The following NPSR1 variants were observed in gnomAD, a reference collection of about 807,000 sequenced individuals.
NPSR1 encodes the protein neuropeptide S receptor.
NPSR1 carries 48 observed loss-of-function variants against 46.9 expected under a neutral mutation model. The ratio of observed to expected loss-of-function variants is 1.02; its 90% CI spans 0.81 to 1.30. NPSR1 has a LOEUF of 1.30. NPSR1 is among the 50% of genes most tolerant of loss of function. The probability of loss-of-function intolerance (pLI) is 0.00; values close to 1 mark genes in which losing one functional copy is unlikely to be tolerated. For missense variants in NPSR1, 450 were observed against 449.5 expected, an observed-to-expected ratio of 1.00 and a Z score of -0.01; for synonymous variants, 176 against 168.1, an observed-to-expected ratio of 1.05 and a Z score of -0.36.
chr7:34,670,281 A>G (rs1023962479), intron 1 of NPSR1, among the ~76,000 whole-genome samples: 6 of 152,166 alleles, frequency 3.9e-5, no homozygotes, highest in African/African-American at 1.4e-4. Flanking sequence ...TGGATCAATA[A>G]TAAGAAATAT....
At chr7:34,820,813 A>G (rs1789517297) in intron 4 of NPSR1, among the ~76,000 whole-genome samples, 3 of 152,212 alleles carry the variant, frequency 2.0e-5, no homozygotes, top group Admixed American at 2.0e-4. Context: ...AAGACCTGGG[A>G]TCAACAAAAA....
chr7:34,825,303 T>C (rs1789771268), intron 4 of NPSR1, among the ~76,000 whole-genome samples: 1 of 152,230 alleles, frequency 6.6e-6, no homozygotes. Context: ...GTGAAGATGT[T>C]GACACTATTC....
chr7:34,852,286 C>T (rs988582512), downstream of NPSR1, among the ~76,000 whole-genome samples: 10 of 150,314 alleles, frequency 6.7e-5, no homozygotes, highest in African/African-American at 9.8e-5. Flanking sequence ...GGCGAGAGAG[C>T]GAGAATCCGT....
chr7:34,865,537 C>T (rs1225196991), intron 8 of NPSR1, among the ~76,000 whole-genome samples: 2 of 151,738 alleles, frequency 1.3e-5, no homozygotes, highest in African/African-American at 4.9e-5. Context: ...AATCACAGCG[C>T]CACATGGAAG....
At chr7:34,732,170 G>A (rs1447185309) in intron 2 of NPSR1, among the ~76,000 whole-genome samples, 1 of 151,980 alleles carries the variant, frequency 6.6e-6, no homozygotes, top group Non-Finnish European at 1.5e-5. Context: ...CATGTAACAG[G>A]GCTCCGGTTG....
chr7:34,874,418 G>T (rs1241977930), intron 8 of NPSR1, among the ~76,000 whole-genome samples: 2 of 152,092 alleles, frequency 1.3e-5, no homozygotes, highest in Non-Finnish European at 2.9e-5. Context: ...AGATTCCTGG[G>T]TAGAGACCTG....
chr7:34,764,060 C>A lies in NPSR1; in HGVS notation c.281-14402C>A, dbSNP rs377089699. On this transcript the variant is annotated intron_variant, in intron 2 of 8. Coordinates refer to ENST00000360581, the MANE Select transcript of NPSR1 (RefSeq NM_207172.2). ...AACTGATTACTCCAATTTAAAGAAA[C>A]CCAAACTGGAAATTATAAAAGATAA... Among the ~76,000 whole-genome samples the A allele has an allele frequency of 9.9e-5, 15 of 152,158 alleles. No individual in the cohort carries two copies. The East Asian group carries it at 2.1e-3, about 22-fold the overall frequency.
chr7:34,801,841 T>C (rs1282497676), intron 3 of NPSR1, among the ~76,000 whole-genome samples: 1 of 149,500 alleles, frequency 6.7e-6, no homozygotes, highest in Non-Finnish European at 1.5e-5. Flanking sequence ...CAAATCTCCT[T>C]AAGCTGATAG....
chr7:34,862,140 T>A (rs1791203817), intron 8 of NPSR1, among the ~76,000 whole-genome samples: 1 of 151,756 alleles, frequency 6.6e-6, no homozygotes, highest in African/African-American at 2.4e-5. Context: ...CAAACCAAAT[T>A]TCTCAGACTA....
At chr7:34,720,466 C>T (rs1250179756) in intron 2 of NPSR1, among the ~76,000 whole-genome samples, 1 of 152,028 alleles carries the variant, frequency 6.6e-6, no homozygotes, top group South Asian at 2.1e-4. Flanking sequence ...GAAATATGGG[C>T]AGGATGTAGG....
chr7:34,822,450 A>G (rs1052693450), intron 4 of NPSR1, among the ~76,000 whole-genome samples: 1 of 152,208 alleles, frequency 6.6e-6, no homozygotes, highest in Non-Finnish European at 1.5e-5. Context: ...TATTTACTGA[A>G]GCAGTATTTT....
intron 4 of NPSR1, among the ~76,000 whole-genome samples, chr7:34,812,414 AC>A (rs1320926473): frequency 6.6e-6 from 1 of 152,170 alleles, no homozygotes; most frequent in Non-Finnish European, 1.5e-5. Flanking sequence ...GAAGGCTGAG[AC>A]CACACAGCCC....
chr7:34,664,616 TAAAAAA>T (rs781560805), intron 1 of NPSR1, among the ~76,000 whole-genome samples: 4 of 144,986 alleles, frequency 2.8e-5, no homozygotes, highest in African/African-American at 1.0e-4. Context: ...TTCTTTTTTT[TAAAAAA>T]AAAAAATGAG....
At chr7:34,731,080 T>A (rs1784394974) in intron 2 of NPSR1, among the ~76,000 whole-genome samples, 1 of 152,128 alleles carries the variant, frequency 6.6e-6, no homozygotes, top group African/African-American at 2.4e-5. Flanking sequence ...ACTAACAGAT[T>A]TTACTGCAAA....
downstream of NPSR1, among the ~76,000 whole-genome samples, chr7:34,850,965 T>A (rs1204087586): frequency 6.6e-6 from 1 of 152,216 alleles, no homozygotes; most frequent in Non-Finnish European, 1.5e-5. Context: ...TTGGTACTTA[T>A]GAGCATAATC....
intron 2 of NPSR1, among the ~76,000 whole-genome samples, chr7:34,733,900 A>T (rs574964472): frequency 6.6e-6 from 1 of 152,296 alleles, no homozygotes; most frequent in African/African-American, 2.4e-5. Flanking sequence ...CTGCTATAGA[A>T]AACTGGGAGG....
chr7:34,658,423 A>G lies in NPSR1; in HGVS notation c.11A>G (p.Asn4Ser). ...AACCCCGCCTGAGCCATGCCAGCCA[A>G]CTTCACAGAGGGCAGCTTCGATTCC... The part of the protein sequence containing the change: MPA[N>S]FTEGSFDSSG... Residue 4 changes from asparagine (N) to serine (S), a missense_variant, in exon 1 of 9, where the codon AAC becomes AGC. By Grantham distance (46) the Asn-to-Ser change is conservative (BLOSUM62 1). Transcript: ENST00000360581. The G allele has an allele frequency of 2.5e-6, 4 of 1,614,046 alleles. No individual in the cohort carries two copies. The highest frequency in any genetic ancestry group is 1.7e-5 in the Admixed American group (1 of 60,026).
At chr7:34,874,636 G>T (rs770120692) in intron 8 of NPSR1, among the ~76,000 whole-genome samples, 27 of 152,270 alleles carry the variant, frequency 1.8e-4, no homozygotes, top group African/African-American at 6.5e-4. Flanking sequence ...AAGCTGAAAG[G>T]GTTGGATCTT....
chr7:34,803,207 C>G (rs1165744904), intron 3 of NPSR1, among the ~76,000 whole-genome samples: 2 of 151,788 alleles, frequency 1.3e-5, no homozygotes, highest in Non-Finnish European at 2.9e-5. Flanking sequence ...CCCAGCCATC[C>G]CATTACTGGG....
Sources: allele counts gnomAD v4.1 joint callset (sites outside exome capture counted in the v4.1 genomes callset), GRCh38; gene constraint gnomAD v4.1.1; transcripts MANE v1.5; gene names NCBI Gene and HGNC (gene_info 2026-07-23, HGNC 2026-07-21).